TSHZ2: variants seen among roughly 807,000 people sequenced by gnomAD.
TSHZ2 encodes teashirt homolog 2.
TSHZ2 carries 21 observed loss-of-function variants against 74.4 expected under a neutral mutation model. The ratio of observed to expected loss-of-function variants is 0.28; its 90% confidence interval spans 0.20 to 0.41. The LOEUF is 0.41. TSHZ2 is among the 10% of genes least tolerant of loss of function. The pLI is 1.00. For synonymous variants in TSHZ2, 540 were observed against 515.3 expected (o/e 1.05, Z -0.65); for missense variants, 1,244 against 1,293.5 (o/e 0.96, Z 0.59).
chr20:53,013,486 A>G (rs1982928597), intron 1 of TSHZ2, among the ~76,000 whole-genome samples: 2 of 152,254 alleles, frequency 1.3e-5, no homozygotes, highest in South Asian at 4.1e-4. Flanking sequence ...AAGGGTCCTC[A>G]GCATAGGTTA....
chr20:53,340,019 A>G (rs1378604571), intron 2 of TSHZ2, among the ~76,000 whole-genome samples: 1 of 152,058 alleles, frequency 6.6e-6, no homozygotes, highest in African/African-American at 2.4e-5. Context: ...TGTCTCAAGA[A>G]TCTTGCTTTT....
At chr20:53,419,897 C>A (rs1014889075) in intron 2 of TSHZ2, among the ~76,000 whole-genome samples, 4 of 152,250 alleles carry the variant, frequency 2.6e-5, no homozygotes, top group African/African-American at 9.6e-5. Context: ...CGCTGCCGAT[C>A]TCCTAATACG....
intron 1 of TSHZ2, among the ~76,000 whole-genome samples, chr20:53,012,971 A>G (rs772524966): frequency 1.5e-4 from 23 of 152,204 alleles, no homozygotes; most frequent in Non-Finnish European, 3.4e-4. Flanking sequence ...CTAAAACAAG[A>G]CAAGCTACCC....
rs11471151 is a variant in TSHZ2 at position 53,069,662 on chromosome 20, T to TACACACAC, written c.40+96370_40+96377dup. ...GCCTAGCAAAAGGTCAATGCTTTGA[T>TACACACAC]ACACACACACACACACACACACACA... is the stretch of plus-strand genomic sequence containing the variant. On this transcript the variant is annotated intron_variant, in intron 1 of 2. Transcript: ENST00000371497. Among the ~76,000 whole-genome samples, 8 of 138,892 alleles carry TACACACAC rather than the reference T, an allele frequency of 5.8e-5. No homozygotes were observed. The East Asian group carries it at 8.8e-4, about 15-fold the overall frequency. 91.1% of individuals were successfully genotyped at this position (138,892 alleles called of 152,430 possible).
At chr20:53,171,483 G>T (rs949704543) in intron 1 of TSHZ2, among the ~76,000 whole-genome samples, 1 of 151,886 alleles carries the variant, frequency 6.6e-6, no homozygotes, top group Non-Finnish European at 1.5e-5. Flanking sequence ...TTTCTAAACT[G>T]GGAAAATTTC....
chr20:53,303,306 T>C (rs1319917782), intron 2 of TSHZ2, among the ~76,000 whole-genome samples: 3 of 152,238 alleles, frequency 2.0e-5, no homozygotes, highest in African/African-American at 7.2e-5. Context: ...TTGTTGAGAC[T>C]TAATTGCTTA....
chr20:53,126,648 A>C (rs1986954004), intron 1 of TSHZ2, among the ~76,000 whole-genome samples: 1 of 152,226 alleles, frequency 6.6e-6, no homozygotes, highest in African/African-American at 2.4e-5. Context: ...GGTATCATTC[A>C]GGAGCTGGCA....
intron 2 of TSHZ2, among the ~76,000 whole-genome samples, chr20:53,404,291 C>T (rs551750658): frequency 3.2e-4 from 48 of 152,228 alleles, no homozygotes; most frequent in South Asian, 8.3e-4. Context: ...TCTCTGGCTC[C>T]GAGTTCAGAT....
At chr20:53,463,445 GGGAAGGAA>G (rs1244651220) in intron 2 of TSHZ2, among the ~76,000 whole-genome samples, 2 of 113,200 alleles carry the variant, frequency 1.8e-5, no homozygotes, top group Non-Finnish European at 3.8e-5. Context: ...GAGGGAGGGA[GGGAAGGAA>G]GGAAGGAAGG....
intron 1 of TSHZ2, among the ~76,000 whole-genome samples, chr20:53,066,334 T>G (rs1205351422): frequency 2.0e-5 from 3 of 151,910 alleles, no homozygotes; most frequent in Non-Finnish European, 2.9e-5. Context: ...CCGCTCCGAG[T>G]CTGAATGGCA....
At chr20:53,433,592 C>CAGACACACAG in intron 2 of TSHZ2, among the ~76,000 whole-genome samples, 1 of 143,834 alleles carries the variant, frequency 7.0e-6, no homozygotes, top group South Asian at 2.2e-4. Context: ...CAGACACACA[C>CAGACACACAG]ACACACACAC....
chr20:53,310,285 G>A (rs943433393), intron 2 of TSHZ2, among the ~76,000 whole-genome samples: 24 of 152,194 alleles, frequency 1.6e-4, no homozygotes, highest in African/African-American at 5.5e-4. Context: ...ATTTACCTCT[G>A]TGGGCCTCAG....
chr20:52,984,628 G>T (rs1981686042), intron 1 of TSHZ2, among the ~76,000 whole-genome samples: 1 of 152,176 alleles, frequency 6.6e-6, no homozygotes, highest in Non-Finnish European at 1.5e-5. Context: ...TGTCACCGAG[G>T]TGGGGTGCCT....
intron 1 of TSHZ2, among the ~76,000 whole-genome samples, chr20:53,252,304 G>A (rs1170001561): frequency 6.6e-6 from 1 of 152,168 alleles, no homozygotes; most frequent in African/African-American, 2.4e-5. Flanking sequence ...AAATAACAGA[G>A]CCTGCTCTAA....
At chr20:53,287,112 C>T (rs1203372786) in intron 2 of TSHZ2, among the ~76,000 whole-genome samples, 1 of 152,046 alleles carries the variant, frequency 6.6e-6, no homozygotes, top group Non-Finnish European at 1.5e-5. Flanking sequence ...TCTTGTCCTT[C>T]GTAGTAGGAA....
intron 1 of TSHZ2, among the ~76,000 whole-genome samples, chr20:53,206,085 G>A (rs1226603053): frequency 6.6e-6 from 1 of 152,094 alleles, no homozygotes; most frequent in African/African-American, 2.4e-5. Flanking sequence ...CAGGTGTGGT[G>A]GCACGAGCCT....
At chr20:53,446,487 G>A (rs554797466) in intron 2 of TSHZ2, among the ~76,000 whole-genome samples, 22 of 151,104 alleles carry the variant, frequency 1.5e-4, no homozygotes, top group South Asian at 1.0e-3. Flanking sequence ...GCTGAGGCAG[G>A]AGAATGGCGT....
intron 1 of TSHZ2, among the ~76,000 whole-genome samples, chr20:53,033,230 T>G (rs911628345): frequency 1.3e-5 from 2 of 152,224 alleles, no homozygotes; most frequent in African/African-American, 2.4e-5. Context: ...AATAGTCCTT[T>G]TCTACAGCTG....
intron 1 of TSHZ2, among the ~76,000 whole-genome samples, chr20:53,055,216 T>C (rs1251548504): frequency 6.6e-6 from 1 of 152,220 alleles, no homozygotes; most frequent in Non-Finnish European, 1.5e-5. Flanking sequence ...ATCATCAACC[T>C]GGTTTTCTTA....
Sources: allele counts gnomAD v4.1 joint callset (sites outside exome capture counted in the v4.1 genomes callset), GRCh38; gene constraint gnomAD v4.1.1; transcripts MANE v1.5; gene names NCBI Gene and HGNC (gene_info 2026-07-23, HGNC 2026-07-21).